Variants in CAP2 observed in about 807,000 individuals in gnomAD.
The protein encoded by CAP2 is adenylyl cyclase-associated protein 2.
CAP2 carries 24 observed loss-of-function variants against 57.7 expected under a neutral mutation model. The ratio of observed to expected loss-of-function variants is 0.42; its 90% CI spans 0.30 to 0.58. The LOEUF (loss-of-function observed/expected upper bound fraction) is 0.58. Ranked by LOEUF, CAP2 falls within the 20% of genes least tolerant of loss-of-function variation. CAP2 has a pLI of 0.22. For missense variants in CAP2, 501 were observed against 590.3 expected, an observed-to-expected ratio of 0.85 and a Z score of 1.57; for synonymous variants, 194 against 207.2, an observed-to-expected ratio of 0.94 and a Z score of 0.55.
intron 3 of CAP2, among the ~76,000 whole-genome samples, chr6:17,455,725 T>C (rs2328104): frequency 0.64 from 97,554 of 151,840 alleles, 33,257 homozygotes; most frequent in African/African-American, 0.88. Context: ...TTAGTAGAGA[T>C]GGGGTTTCAC....
chr6:17,431,034 T>C (rs1759714593), intron 3 of CAP2, among the ~76,000 whole-genome samples: 1 of 152,172 alleles, frequency 6.6e-6, no homozygotes. Context: ...TTTCCTGTTC[T>C]TGATTGAAAT....
intron 4 of CAP2, among the ~76,000 whole-genome samples, chr6:17,484,573 A>G (rs1264885735): frequency 1.3e-5 from 2 of 152,202 alleles, no homozygotes. Flanking sequence ...TCTCTATCTG[A>G]CATGTTTCCT....
At chr6:17,504,554 T>C (rs375044807) in intron 4 of CAP2, among the ~76,000 whole-genome samples, 8 of 152,224 alleles carry the variant, frequency 5.3e-5, no homozygotes, top group African/African-American at 1.9e-4. Flanking sequence ...TAGCTTCCAG[T>C]TCCAGCTCCA....
chr6:17,481,877 C>G (rs1761296278), intron 4 of CAP2, among the ~76,000 whole-genome samples: 1 of 152,182 alleles, frequency 6.6e-6, no homozygotes, highest in South Asian at 2.1e-4. Context: ...AATACCAGCT[C>G]TCTTTACCTG....
At chr6:17,476,997 G>T (rs554417795) in intron 4 of CAP2, among the ~76,000 whole-genome samples, 1 of 149,382 alleles carries the variant, frequency 6.7e-6, no homozygotes, top group Non-Finnish European at 1.5e-5. Context: ...TCAGCCTCCC[G>T]AGTAGCTGGG....
intron 1 of CAP2, among the ~76,000 whole-genome samples, chr6:17,407,006 A>G (rs949893264): frequency 6.6e-6 from 1 of 152,138 alleles, no homozygotes; most frequent in Non-Finnish European, 1.5e-5. Context: ...ATTCTTCTCA[A>G]TTCATGTACT....
intron 4 of CAP2, among the ~76,000 whole-genome samples, chr6:17,467,525 C>T (rs559794179): frequency 1.3e-5 from 2 of 152,104 alleles, no homozygotes; most frequent in African/African-American, 4.8e-5. Flanking sequence ...ATACTCTTAA[C>T]GTTTGTTTGT....
intron 1 of CAP2, among the ~76,000 whole-genome samples, chr6:17,416,464 T>G (rs1032793269): frequency 6.6e-6 from 1 of 152,198 alleles, no homozygotes; most frequent in African/African-American, 2.4e-5. Flanking sequence ...CATAACTGTG[T>G]TAACACTGGA....
At chr6:17,457,541 G>C (rs1760606277) in intron 3 of CAP2, among the ~76,000 whole-genome samples, 1 of 152,246 alleles carries the variant, frequency 6.6e-6, no homozygotes, top group African/African-American at 2.4e-5. Flanking sequence ...ATGTAGATTA[G>C]AGTCTGCTAA....
chr6:17,530,883 T>C lies in CAP2; in HGVS notation c.637-8386T>C. 7 of 1,150,224 alleles carry C rather than the reference T, an allele frequency of 6.1e-6. No individual in the cohort carries two copies. In the Admixed American group the frequency reaches 1.2e-4, roughly 20 times the overall value. 71.3% of individuals were successfully genotyped at this position (1,150,224 alleles called of 1,614,324 possible). Reference sequence around the variant, plus strand: ...ACTGACCAGCTTAGAAAAATAATCATGGTAGACACCTTAGTTCATTCTTCT... The same window carrying C: ...ACTGACCAGCTTAGAAAAATAATCACGGTAGACACCTTAGTTCATTCTTCT... On this transcript the variant is annotated intron_variant, in intron 7 of 12. Coordinates refer to ENST00000229922, the MANE Select transcript of CAP2 (RefSeq NM_006366.3).
chr6:17,492,909 CTAG>C (rs1488174534), intron 4 of CAP2, among the ~76,000 whole-genome samples: 3 of 152,074 alleles, frequency 2.0e-5, no homozygotes, highest in Non-Finnish European at 4.4e-5. Flanking sequence ...TGCCTGGCAC[CTAG>C]TAGGTGCTCA....
rs1289094250 is a variant in CAP2, at chr6:17,557,292, T to G, written c.*850T>G. ...AAATTATGTCTTTAACGTTTTCTTA[T>G]AGACTAATTTCCTCTTTTCCACCTG... On this transcript the variant is annotated 3_prime_UTR_variant, in exon 13 of 13. Coordinates refer to ENST00000229922, the MANE Select transcript of CAP2 (RefSeq NM_006366.3). 6.6e-6 allele frequency: 1 copy of G among 152,220 alleles called. No individual in the cohort carries two copies. Among genetic ancestry groups the G allele is most frequent in the Non-Finnish European group, 1.5e-5 (1 of 68,024 alleles). 9.4% of individuals were successfully genotyped at this position (152,220 alleles called of 1,614,324 possible).
At chr6:17,399,205 G>A (rs1394606352) in intron 1 of CAP2, among the ~76,000 whole-genome samples, 1 of 152,164 alleles carries the variant, frequency 6.6e-6, no homozygotes, top group Non-Finnish European at 1.5e-5. Flanking sequence ...TGGGATTACA[G>A]GCGCTTGCCA....
At chr6:17,394,416 A>T (rs1758620454) in intron 1 of CAP2, among the ~76,000 whole-genome samples, 1 of 152,096 alleles carries the variant, frequency 6.6e-6, no homozygotes, top group African/African-American at 2.4e-5. Flanking sequence ...TAGGGCCAAA[A>T]ATCAACCTGC....
intron 3 of CAP2, among the ~76,000 whole-genome samples, chr6:17,434,049 G>T (rs114918693): frequency 7.9e-4 from 120 of 152,154 alleles, no homozygotes; most frequent in African/African-American, 2.7e-3. Flanking sequence ...AAATCACCAA[G>T]ATACCTTGCT....
intron 7 of CAP2, among the ~76,000 whole-genome samples, chr6:17,518,467 A>G (rs1384546312): frequency 6.6e-6 from 1 of 152,142 alleles, no homozygotes; most frequent in African/African-American, 2.4e-5. Flanking sequence ...ATCTGATTGA[A>G]TGGTCTTTGG....
chr6:17,459,458 G>T (rs559641100), intron 3 of CAP2, among the ~76,000 whole-genome samples: 14 of 152,306 alleles, frequency 9.2e-5, no homozygotes, highest in African/African-American at 3.4e-4. Context: ...AAGATGGAAA[G>T]AGCCAATGTG....
chr6:17,520,437 C>T (rs1012805392), intron 7 of CAP2, among the ~76,000 whole-genome samples: 3 of 152,078 alleles, frequency 2.0e-5, no homozygotes, highest in Admixed American at 6.6e-5. Flanking sequence ...CTTAATAATA[C>T]GGGTTTTAAA....
At chr6:17,538,318 G>A (rs1762820549) in intron 7 of CAP2, among the ~76,000 whole-genome samples, 1 of 151,804 alleles carries the variant, frequency 6.6e-6, no homozygotes, top group Admixed American at 6.6e-5. Flanking sequence ...TAGCCAGTTA[G>A]AGTGGCACAT....
Sources: gnomAD v4.1 joint callset for allele counts (sites outside exome capture counted in the v4.1 genomes callset) on GRCh38, gnomAD v4.1.1 for gene constraint, MANE v1.5 for transcripts, NCBI Gene and HGNC (gene_info 2026-07-23, HGNC 2026-07-21) for gene names.